VIP: variants seen among roughly 807,000 people sequenced by gnomAD.
The protein encoded by VIP is vasoactive intestinal peptide.
In VIP, 18 loss-of-function variants were observed where a neutral mutation model predicts 20.1. The observed-to-expected ratio is 0.90, with a 90% CI of 0.62 to 1.33. The LOEUF is 1.33. Among genes scored for constraint, VIP ranks in the 40% most tolerant of loss-of-function variants. The pLI is 0.00. For synonymous variants in VIP, 70 were observed against 68.1 expected, an observed-to-expected ratio of 1.03 and a Z score of -0.14; for missense variants, 209 against 199.4, an observed-to-expected ratio of 1.05 and a Z score of -0.29.
chr6:152,750,840 T>C lies in VIP; in HGVS notation c.-130T>C, dbSNP rs1437542212. The C allele has an allele frequency of 2.0e-5, 3 of 152,218 alleles. No homozygotes were observed. Among genetic ancestry groups the C allele is most frequent in the South Asian group, 2.1e-4 (1 of 4,830 alleles). 9.4% of individuals were successfully genotyped at this position (152,218 alleles called of 1,614,324 possible). ...CCAGCAGGCAGTAACAGCCAACCCTTAGCCATTGCTAAGGGCAGAGAACTG... is the reference window on the plus strand; with the variant it reads ...CCAGCAGGCAGTAACAGCCAACCCTCAGCCATTGCTAAGGGCAGAGAACTG... On this transcript the variant is annotated 5_prime_UTR_variant, in exon 1 of 7. Coordinates refer to ENST00000367244, the MANE Select transcript of VIP (RefSeq NM_003381.4).
In VIP at chr6:152,754,175, C is replaced by G; in HGVS notation, c.117C>G (p.Asp39Glu). The change falls in exon 3 of 7, where the codon GAC becomes GAG. Residue 39 changes from aspartate to glutamate, a missense_variant. Physicochemically the swap from Asp to Glu is conservative, Grantham distance 45. Coordinates refer to ENST00000367244, the MANE Select transcript of VIP (RefSeq NM_003381.4). ...YRAPSALRLG[D>E]RIPFEGANEP... ...TAACTTTCCCCATCAGGTTGGGTGA[C>G]AGAATACCCTTTGAGGGAGCAAATG... 1.9e-6 allele frequency: 3 copies of G among 1,609,496 alleles called. No homozygotes were observed. The highest frequency in any genetic ancestry group is 2.5e-6 in the Non-Finnish European group (3 of 1,177,854).
At chr6:152,755,999 T>G (rs533871474) in intron 4 of VIP, 135 bp from the exon 5 acceptor site, 2 of 930,986 alleles carry the variant, frequency 2.1e-6, no homozygotes, top group African/African-American at 3.4e-5. Flanking sequence ...GTTGTATTTT[T>G]CTTTTAGTCT....
At chr6:152,755,922 T>C (rs142480317) in intron 4 of VIP, among the ~76,000 whole-genome samples, 164 of 152,052 alleles carry the variant, frequency 1.1e-3, no homozygotes, top group African/African-American at 1.1e-3. Flanking sequence ...GAATGTGTCA[T>C]AAAACAGTCC....
At chr6:152,756,552 T>C (rs1441180128) in intron 5 of VIP, among the ~76,000 whole-genome samples, 2 of 151,942 alleles carry the variant, frequency 1.3e-5, no homozygotes, top group African/African-American at 4.8e-5. Flanking sequence ...GTGTTAAAAA[T>C]GATGACTATA....
rs905411171 is a variant in VIP at position 152,755,259 on chromosome 6, C to T, written c.231-10C>T. 11 of 1,537,294 alleles carry T rather than the reference C, an allele frequency of 7.2e-6. No homozygotes were observed. Among genetic ancestry groups the T allele is most frequent in the Admixed American group, 6.3e-5 (3 of 47,852 alleles). On this transcript the variant is annotated splice_polypyrimidine_tract_variant and intron_variant, in intron 3 of 6. Transcript: ENST00000367244. ...CAAAATAATAGCTATTTTTTTCTTC[C>T]TTGTTTTAGAAATGCCAGGCATGCT...
chr6:152,756,245 A>C lies in VIP; in HGVS notation c.447A>C (p.Ser149=). 6.2e-7 allele frequency: 1 copy of C among 1,610,062 alleles called. No individual in the cohort carries two copies. The highest frequency in any genetic ancestry group is 8.5e-7 in the Non-Finnish European group (1 of 1,177,844). The part of the protein sequence containing the change: ...KQMAVKKYLN[S]ILNGKRSSEG... The stretch of plus-strand genomic sequence containing the variant: ...TGGCTGTAAAGAAATATTTGAACTC[A>C]ATTCTGAATGGAAAGAGGAGGTAAA... The change falls in exon 5 of 7, where the codon TCA becomes TCC. Residue 149 remains serine (S), a synonymous_variant. Transcript: ENST00000367244.
intron 5 of VIP, 87 bp downstream of exon 5, chr6:152,756,352 T>C (rs2099730426): frequency 7.0e-7 from 1 of 1,427,442 alleles, no homozygotes; most frequent in East Asian, 2.4e-5. Flanking sequence ...CTATCTCACT[T>C]ATCTAGCTAT....
rs1019491176 is a variant in VIP, at chr6:152,758,894, A to AT, written c.*44-10dup. On this transcript the variant is annotated splice_polypyrimidine_tract_variant and intron_variant, in intron 6 of 6. Transcript: ENST00000367244. The stretch of plus-strand genomic sequence containing the variant: ...AATATATTTTATGCCTAAAGCAACA[A>AT]TTTTTTCTTTTTCAGAATTCTTGAA... The AT allele has an allele frequency of 1.2e-4, 19 of 152,222 alleles. No individual in the cohort carries two copies. The highest frequency in any genetic ancestry group is 3.6e-4 in the African/African-American group (15 of 41,424). 9.4% of individuals were successfully genotyped at this position (152,222 alleles called of 1,614,324 possible).
At position 152,754,403 on chromosome 6, in the gene VIP, G is replaced by A. The variant is rs2099730097; in HGVS notation, c.230+115G>A. ...AAGCTATTCCGATAGCAAAACACTA[G>A]AGGTTTCTATGTGTCATGGCTTCAT... On this transcript the variant is annotated intron_variant, in intron 3 of 6. Transcript: ENST00000367244. 1.0e-5 allele frequency: 10 copies of A among 999,256 alleles called. No homozygotes were observed. In the South Asian group the frequency reaches 1.8e-4, roughly 18 times the overall value. 61.9% of individuals were successfully genotyped at this position (999,256 alleles called of 1,614,324 possible).
intron 1 of VIP, among the ~76,000 whole-genome samples, 180 bp downstream of exon 1, chr6:152,751,139 G>A (rs1043568339): frequency 1.3e-5 from 2 of 152,064 alleles, no homozygotes; most frequent in African/African-American, 4.8e-5. Flanking sequence ...CTCTCATATG[G>A]ATAGATTTTC....
At chr6:152,758,405 T>C (rs112610970) in intron 6 of VIP, among the ~76,000 whole-genome samples, 17 of 151,960 alleles carry the variant, frequency 1.1e-4, no homozygotes, top group Non-Finnish European at 2.5e-4. Flanking sequence ...TTTATAGACA[T>C]CTCAGAGAAA....
Sources: allele counts gnomAD v4.1 joint callset (sites outside exome capture counted in the v4.1 genomes callset), GRCh38; gene constraint gnomAD v4.1.1; transcripts MANE v1.5; gene names NCBI Gene and HGNC (gene_info 2026-07-23, HGNC 2026-07-21).